SCN8A: variants seen among roughly 807,000 people sequenced by gnomAD.
The protein encoded by SCN8A is sodium channel protein type 8 subunit alpha.
Under a neutral mutation model 184.1 loss-of-function variants are expected in SCN8A, and 30 were observed. The observed-to-expected ratio is 0.16, with a 90% CI of 0.12 to 0.22. The LOEUF (loss-of-function observed/expected upper bound fraction) is 0.22, where lower values mean the gene tolerates loss of function less well. SCN8A is among the 10% of genes least tolerant of loss of function. The pLI, the probability that SCN8A is intolerant of heterozygous loss-of-function variation, is 1.00. For synonymous variants in SCN8A, 852 were observed against 907.0 expected (o/e 0.94, Z 1.09); for missense variants, 1,057 against 2,498.9 (o/e 0.42, Z 12.30).
At chr12:51,600,692 G>A (rs780535481) in intron 1 of SCN8A, among the ~76,000 whole-genome samples, 26 of 151,890 alleles carry the variant, frequency 1.7e-4, no homozygotes, top group Non-Finnish European at 1.8e-4. Context: ...GCCCTTTCTC[G>A]TCAGAAATGA....
intron 11 of SCN8A, among the ~76,000 whole-genome samples, chr12:51,717,656 G>A (rs1399067419): frequency 1.3e-5 from 2 of 152,204 alleles, no homozygotes; most frequent in Non-Finnish European, 2.9e-5. Flanking sequence ...CCTCTGTTAT[G>A]TGCTCCTTTA....
intron 5 of SCN8A, chr12:51,688,698 C>G (rs1187801959): frequency 1.7e-6 from 2 of 1,197,864 alleles, no homozygotes; most frequent in Non-Finnish European, 2.5e-6. Context: ...TTTCTTCCCC[C>G]CATTCTCAAA....
At chr12:51,713,238 T>G in intron 11 of SCN8A, 1 of 1,135,842 alleles carries the variant, frequency 8.8e-7, no homozygotes, top group Non-Finnish European at 1.3e-6. Context: ...TCTTCACTGT[T>G]AGATGGGCAC....
At chr12:51,594,199 G>A (rs964530913) in intron 1 of SCN8A, among the ~76,000 whole-genome samples, 2 of 152,186 alleles carry the variant, frequency 1.3e-5, no homozygotes, top group Non-Finnish European at 2.9e-5. Flanking sequence ...ACATCCGTTG[G>A]TAGGGAACTT....
chr12:51,669,522 T>C (rs1205425408), intron 2 of SCN8A, among the ~76,000 whole-genome samples: 1 of 152,232 alleles, frequency 6.6e-6, no homozygotes, highest in Non-Finnish European at 1.5e-5. Context: ...TGGAATGTAC[T>C]CTGTCTTTTA....
intron 1 of SCN8A, among the ~76,000 whole-genome samples, chr12:51,628,949 G>A (rs768267563): frequency 4.6e-5 from 7 of 152,044 alleles, no homozygotes; most frequent in African/African-American, 9.7e-5. Context: ...GATAAACATA[G>A]AAGTGTGTAT....
chr12:51,612,057 ATCAAATGTGGG>A (rs1373237974), intron 1 of SCN8A, among the ~76,000 whole-genome samples: 1 of 152,198 alleles, frequency 6.6e-6, no homozygotes, highest in Non-Finnish European at 1.5e-5. Context: ...CCAGTAAGAT[ATCAAATGTGGG>A]TAGCGAGACT....
At chr12:51,758,423 G>GGTTT (rs537801710) in intron 14 of SCN8A, among the ~76,000 whole-genome samples, 65 of 152,074 alleles carry the variant, frequency 4.3e-4, no homozygotes, top group South Asian at 1.0e-3. Context: ...TTTAATGTCT[G>GGTTT]GTTTGTTTGT....
intron 1 of SCN8A, among the ~76,000 whole-genome samples, chr12:51,624,777 A>G (rs1940040253): frequency 6.6e-6 from 1 of 152,118 alleles, no homozygotes; most frequent in Non-Finnish European, 1.5e-5. Flanking sequence ...TCCATCTTGA[A>G]TTAATTTTTG....
chr12:51,758,179 C>T (rs1313416949), intron 14 of SCN8A, among the ~76,000 whole-genome samples: 1 of 152,062 alleles, frequency 6.6e-6, no homozygotes, highest in East Asian at 1.9e-4. Context: ...AAAAATTAAC[C>T]AGACATGCAG....
intron 1 of SCN8A, among the ~76,000 whole-genome samples, chr12:51,634,123 G>C (rs1022027709): frequency 3.3e-5 from 5 of 152,154 alleles, no homozygotes; most frequent in African/African-American, 1.2e-4. Context: ...GAAAATGCAT[G>C]AATTAGAGGA....
chr12:51,683,985 A>T (rs1283866758), intron 2 of SCN8A, among the ~76,000 whole-genome samples, 189 bp from the exon 3 acceptor site: 1 of 152,186 alleles, frequency 6.6e-6, no homozygotes, highest in East Asian at 1.9e-4. Context: ...TTTGTATTAT[A>T]ATCTGGGCAG....
At position 51,663,110 on chromosome 12, in the gene SCN8A, G is replaced by A; in HGVS notation, c.276+17G>A. ...ACGCAGAAAGTGAGTTGGAGGAGGA[G>A]GAGCAGCTGCAGATACCTGTTTCCT... is the stretch of plus-strand genomic sequence containing the variant. On this transcript the variant is annotated intron_variant, in intron 2 of 26. Transcript: ENST00000627620. The A allele has an allele frequency of 1.2e-6, 2 of 1,611,932 alleles. No individual in the cohort carries two copies. Among genetic ancestry groups the A allele is most frequent in the Non-Finnish European group, 1.7e-6 (2 of 1,178,242 alleles).
In SCN8A at chr12:51,654,527, T is replaced by C. The variant is rs141105264; in HGVS notation, c.-54-8237T>C. Among the ~76,000 whole-genome samples, 528 of 152,288 alleles carry C rather than the reference T, an allele frequency of 3.5e-3. 8 individuals carry two copies. Among genetic ancestry groups the C allele is most frequent in the East Asian group, 7.7e-3 (40 of 5,192 alleles). ...ATGTGAGGGTTTATTTCTGGGCTCT[T>C]TAATCTATTCCATTAGTCTATATGT... is the stretch of plus-strand genomic sequence containing the variant. On this transcript the variant is annotated intron_variant, in intron 1 of 26. Coordinates refer to ENST00000627620, the MANE Select transcript of SCN8A (RefSeq NM_001330260.2).
intron 1 of SCN8A, among the ~76,000 whole-genome samples, chr12:51,651,758 C>T (rs1417074765): frequency 6.6e-6 from 1 of 152,198 alleles, no homozygotes; most frequent in Non-Finnish European, 1.5e-5. Flanking sequence ...CATATTACCT[C>T]TATGATTTGG....
intron 26 of SCN8A, among the ~76,000 whole-genome samples, chr12:51,802,354 A>AG (rs1439071342): frequency 2.0e-5 from 3 of 152,290 alleles, no homozygotes; most frequent in African/African-American, 7.2e-5. Context: ...CTGGCAAAAA[A>AG]GGCTGTCAGA....
intron 2 of SCN8A, among the ~76,000 whole-genome samples, chr12:51,665,999 T>G (rs2086691): frequency 6.6e-6 from 1 of 151,860 alleles, no homozygotes; most frequent in African/African-American, 2.4e-5. Context: ...GAGGTGGAGG[T>G]TGCAGTCAGC....
intron 11 of SCN8A, chr12:51,712,716 T>A (rs1941899817): frequency 9.8e-7 from 1 of 1,019,328 alleles, no homozygotes; most frequent in Non-Finnish European, 1.5e-6. Flanking sequence ...CACCTTGGTT[T>A]CCATATCCTG....
chr12:51,726,400 A>C (rs1348494061), intron 12 of SCN8A, among the ~76,000 whole-genome samples: 1 of 152,244 alleles, frequency 6.6e-6, no homozygotes, highest in Non-Finnish European at 1.5e-5. Context: ...TATTGGCTGC[A>C]TCTGACTGAA....
Sources: allele counts gnomAD v4.1 joint callset (sites outside exome capture counted in the v4.1 genomes callset), GRCh38; gene constraint gnomAD v4.1.1; transcripts MANE v1.5; gene names NCBI Gene and HGNC (gene_info 2026-07-23, HGNC 2026-07-21).